The following CBX5 variants were observed in gnomAD, a reference collection of about 807,000 sequenced individuals.
CBX5 encodes the protein chromobox protein homolog 5.
A neutral mutation model predicts 20.7 loss-of-function variants in CBX5; 7 were observed. The observed-to-expected ratio is 0.34, with a 90% CI of 0.19 to 0.63. The LOEUF is 0.63. Ranked by LOEUF, CBX5 falls within the 30% of genes least tolerant of loss-of-function variation. The probability of loss-of-function intolerance (pLI) is 0.75; values close to 1 mark genes in which losing one functional copy is unlikely to be tolerated. For missense variants in CBX5, 110 were observed against 224.1 expected (o/e 0.49, Z 3.25); for synonymous variants, 78 against 77.0 (o/e 1.01, Z -0.07).
chr12:54,243,991 C>G (rs117379212), intron 4 of CBX5, among the ~76,000 whole-genome samples: 1 of 151,938 alleles, frequency 6.6e-6, no homozygotes, highest in Non-Finnish European at 1.5e-5. Flanking sequence ...AAATGTTAAG[C>G]CTTTTGATTA....
chr12:54,249,374 AG>A (rs1383883778), intron 3 of CBX5, among the ~76,000 whole-genome samples: 5 of 151,530 alleles, frequency 3.3e-5, no homozygotes, highest in Non-Finnish European at 5.9e-5. Context: ...CAAAAAAAAA[AG>A]AAAAAAAAAA....
At chr12:54,278,273 T>G (rs1221097014) in intron 1 of CBX5, among the ~76,000 whole-genome samples, 2 of 152,354 alleles carry the variant, frequency 1.3e-5, no homozygotes, top group Non-Finnish European at 2.9e-5. Flanking sequence ...GAAACCTTGC[T>G]GTAGGTCAAG....
At chr12:54,259,055 A>G (rs1162136920) in intron 1 of CBX5, among the ~76,000 whole-genome samples, 2 of 152,200 alleles carry the variant, frequency 1.3e-5, no homozygotes, top group East Asian at 3.8e-4. Context: ...GCCCTATAAG[A>G]CTAAGTTTTT....
rs1014564022 is a variant in CBX5, at chr12:54,237,955, G to C, written c.*3800C>G. On this transcript the variant is annotated 3_prime_UTR_variant, in exon 5 of 5. Transcript: ENST00000209875. ...GCCTGTAATTCCAGCACTTTGGGAG[G>C]CCAAGGTGGGCAGATCACAAGGTCA... 2.0e-5 allele frequency: 3 copies of C among 152,174 alleles called. No homozygotes were observed. Among genetic ancestry groups the C allele is most frequent in the African/African-American group, 7.2e-5 (3 of 41,416 alleles). 9.4% of individuals were successfully genotyped at this position (152,174 alleles called of 1,614,324 possible).
chr12:54,257,498 G>T lies in CBX5; in HGVS notation c.137+16C>A. 6.2e-7 allele frequency: 1 copy of T among 1,613,756 alleles called. No individual in the cohort carries two copies. Among genetic ancestry groups the T allele is most frequent in the Non-Finnish European group, 8.5e-7 (1 of 1,179,826 alleles). On this transcript the variant is annotated intron_variant, in intron 2 of 4. Transcript: ENST00000209875. ...CTCTACAGAGTCCCAACGCCTGGGG[G>T]AAAAAAGGAACTTACTCAGAAAAGC...
intron 1 of CBX5, among the ~76,000 whole-genome samples, chr12:54,270,807 T>C (rs1196372312): frequency 1.3e-5 from 2 of 152,162 alleles, no homozygotes; most frequent in Admixed American, 6.5e-5. Context: ...ATCCCAGCAC[T>C]TTGGGAAGCT....
chr12:54,269,249 C>T (rs1337240251), intron 1 of CBX5, among the ~76,000 whole-genome samples: 4 of 151,958 alleles, frequency 2.6e-5, no homozygotes, highest in South Asian at 2.1e-4. Flanking sequence ...GGTGACAGAG[C>T]GAGGATCCTT....
chr12:54,279,256 C>T (rs146443428), intron 1 of CBX5, among the ~76,000 whole-genome samples: 80 of 152,110 alleles, frequency 5.3e-4, no homozygotes, highest in African/African-American at 1.7e-3. Context: ...TTTTAACAGT[C>T]TTCCTAAAGA....
intron 1 of CBX5, chr12:54,277,236 C>CTTTTTTTTTTTTTTTTTTTTTTTTTTT (rs1944078333): frequency 6.6e-6 from 1 of 152,084 alleles, no homozygotes; most frequent in African/African-American, 2.4e-5. Context: ...CGGACTCTTG[C>CTTTTTTTTTTTTTTTTTTTTTTTTTTT]TTTGTCGCCC....
intron 1 of CBX5, among the ~76,000 whole-genome samples, chr12:54,279,765 C>G (rs975053701): frequency 6.6e-6 from 1 of 152,152 alleles, no homozygotes; most frequent in Non-Finnish European, 1.5e-5. Context: ...GCCGATCAGT[C>G]GGCAGCTCAA....
intron 4 of CBX5, 100 bp from the exon 5 acceptor site, chr12:54,242,005 C>G: frequency 8.5e-7 from 1 of 1,174,320 alleles, no homozygotes; most frequent in Non-Finnish European, 1.2e-6. Flanking sequence ...GACTTGATTT[C>G]CTCCTCACCT....
At chr12:54,249,320 G>A (rs569688916) in intron 3 of CBX5, among the ~76,000 whole-genome samples, 4 of 151,120 alleles carry the variant, frequency 2.6e-5, no homozygotes, top group African/African-American at 9.7e-5. Flanking sequence ...CAGTGAGATT[G>A]TGCCACTGCA....
chr12:54,260,722 T>C (rs890913163), intron 1 of CBX5, among the ~76,000 whole-genome samples: 3 of 152,082 alleles, frequency 2.0e-5, no homozygotes, highest in African/African-American at 7.2e-5. Flanking sequence ...AAAGGAGTAC[T>C]AGGATAAATA....
At chr12:54,250,665 C>T (rs1453911125) in intron 3 of CBX5, among the ~76,000 whole-genome samples, 10 of 148,356 alleles carry the variant, frequency 6.7e-5, no homozygotes, top group Non-Finnish European at 1.0e-4. Flanking sequence ...ATTAGCCGGG[C>T]GCGGTGGCGG....
intron 4 of CBX5, among the ~76,000 whole-genome samples, chr12:54,245,143 C>G (rs1055239618): frequency 2.0e-4 from 31 of 152,022 alleles, no homozygotes; most frequent in Non-Finnish European, 1.3e-4. Flanking sequence ...TCTCAAGTAG[C>G]TGGACTACAG....
Position 54,241,912 on chromosome 12 carries a change from A to G in CBX5, c.426-7T>C, listed in dbSNP as rs749067094. 2 of 1,611,256 alleles carry G rather than the reference A, an allele frequency of 1.2e-6. No individual in the cohort carries two copies. The highest frequency in any genetic ancestry group is 1.7e-5 in the Admixed American group (1 of 59,352). ...AGCTTCATCTGTGTCTTTCCTGGAG[A>G]GAAAGAATATGAGACTTAAAAGGAG... On this transcript the variant is annotated splice_region_variant and splice_polypyrimidine_tract_variant and intron_variant, in intron 4 of 4. Coordinates refer to ENST00000209875, the MANE Select transcript of CBX5 (RefSeq NM_012117.3).
intron 1 of CBX5, among the ~76,000 whole-genome samples, chr12:54,258,721 C>A (rs1943886163): frequency 1.3e-5 from 2 of 152,174 alleles, no homozygotes; most frequent in Admixed American, 6.5e-5. Context: ...CTTAACCATG[C>A]TAAATGGTGC....
At chr12:54,271,565 C>T (rs1944010308) in intron 1 of CBX5, among the ~76,000 whole-genome samples, 1 of 152,174 alleles carries the variant, frequency 6.6e-6, no homozygotes, top group South Asian at 2.1e-4. Context: ...CTCAGGTAAT[C>T]CACCCACCTC....
In CBX5 at chr12:54,234,285, G is replaced by A. The variant is rs1394430542; in HGVS notation, c.*7470C>T. ...TTTTTTTTTTTCCTCACTGATAGCT[G>A]ATCACATTAAACAGGTACAGGTGCT... On this transcript the variant is annotated 3_prime_UTR_variant, in exon 5 of 5. Transcript: ENST00000209875. 8 of 142,406 alleles carry A rather than the reference G, an allele frequency of 5.6e-5. No individual in the cohort carries two copies. In the East Asian group the frequency reaches 1.7e-3, roughly 30 times the overall value. 8.8% of individuals were successfully genotyped at this position (142,406 alleles called of 1,614,324 possible). A position where few individuals can be genotyped will look rare whatever the true frequency, so the allele number is the denominator to read the frequency against.
Sources: allele counts gnomAD v4.1 joint callset (sites outside exome capture counted in the v4.1 genomes callset), GRCh38; gene constraint gnomAD v4.1.1; transcripts MANE v1.5; gene names NCBI Gene and HGNC (gene_info 2026-07-23, HGNC 2026-07-21).